RIPOR3: variants seen among roughly 807,000 people sequenced by gnomAD.
RIPOR3 encodes the protein family with sequence similarity 65 member C.
In RIPOR3, 95 loss-of-function variants were observed where a neutral mutation model predicts 114.3. The observed-to-expected ratio is 0.83, with a 90% CI of 0.70 to 0.99. The LOEUF is 0.99. RIPOR3 is among the 50% of genes least tolerant of loss of function. RIPOR3 has a pLI of 0.00. For missense variants in RIPOR3, 1,252 were observed against 1,266.9 expected (o/e 0.99, Z 0.18); for synonymous variants, 575 against 543.8 (o/e 1.06, Z -0.80).
intron 1 of RIPOR3, among the ~76,000 whole-genome samples, chr20:50,657,937 TA>T (rs1318873198): frequency 2.6e-5 from 4 of 151,850 alleles, no homozygotes; most frequent in Non-Finnish European, 5.9e-5. Context: ...TTTTTATTTT[TA>T]TTTTTTTGTA....
intron 1 of RIPOR3, among the ~76,000 whole-genome samples, chr20:50,666,904 C>T (rs1266713772): frequency 6.6e-6 from 1 of 152,144 alleles, no homozygotes; most frequent in African/African-American, 2.4e-5. Context: ...ATCTTATCTG[C>T]ATGATCCCTC....
chr20:50,599,062 TTGTA>T (rs1268328791), intron 13 of RIPOR3, among the ~76,000 whole-genome samples: 2 of 152,118 alleles, frequency 1.3e-5, no homozygotes, highest in South Asian at 2.1e-4. Context: ...ATGCAGAACT[TTGTA>T]TGTGTCTTTT....
rs149386699 is a variant in RIPOR3, at chr20:50,641,186, C to T, written c.4-10330G>A. Among the ~76,000 whole-genome samples, 1,236 of 152,102 alleles carry T rather than the reference C, an allele frequency of 8.1e-3. 21 individuals are homozygous for T. The highest frequency in any genetic ancestry group is 0.028 in the African/African-American group (1,164 of 41,504). On this transcript the variant is annotated intron_variant, in intron 1 of 21. Transcript: ENST00000327979. Reference sequence around the variant, plus strand: ...TCGGCCTCCCAAAGTGCTGGGATTACAGGCGTGAGCCACCACGTCCGGCTC... The same window carrying T: ...TCGGCCTCCCAAAGTGCTGGGATTATAGGCGTGAGCCACCACGTCCGGCTC...
chr20:50,620,728 C>T, intron 2 of RIPOR3: 3 of 428,634 alleles, frequency 7.0e-6, no homozygotes, highest in Non-Finnish European at 1.2e-5. Flanking sequence ...TAAAGCTTTT[C>T]CACCATGGCT....
At chr20:50,657,748 CTTTTTT>C (rs1272938455) in intron 1 of RIPOR3, among the ~76,000 whole-genome samples, 1 of 109,094 alleles carries the variant, frequency 9.2e-6, no homozygotes, top group Admixed American at 9.8e-5. Context: ...ATGTCTTTTA[CTTTTTT>C]TTTTTTTTTT....
chr20:50,655,819 G>C (rs938230377), intron 1 of RIPOR3, among the ~76,000 whole-genome samples: 1 of 151,880 alleles, frequency 6.6e-6, no homozygotes. Flanking sequence ...CATGAGGCAC[G>C]AGACCTTCAT....
chr20:50,610,820 A>C (rs1600561054), intron 6 of RIPOR3, 33 bp downstream of exon 6: 1 of 1,613,658 alleles, frequency 6.2e-7, no homozygotes. Context: ...GCACTGCCCC[A>C]CCCCACCCTG....
chr20:50,670,405 C>A (rs2086432168), intron 1 of RIPOR3, among the ~76,000 whole-genome samples: 1 of 116,780 alleles, frequency 8.6e-6, no homozygotes, highest in Admixed American at 1.4e-4. Context: ...TAGAGAAAAG[C>A]TGGGAGGAGC....
chr20:50,626,873 G>A (rs1783746468), intron 2 of RIPOR3, among the ~76,000 whole-genome samples: 1 of 151,578 alleles, frequency 6.6e-6, no homozygotes, highest in Non-Finnish European at 1.5e-5. Context: ...AATTAGCTGG[G>A]CATGGTGGCA....
chr20:50,609,035 C>G, intron 8 of RIPOR3, 80 bp from the exon 9 acceptor site: 2 of 1,534,798 alleles, frequency 1.3e-6, no homozygotes, highest in Non-Finnish European at 1.8e-6. Flanking sequence ...CTGGGGTTCC[C>G]CCGAGTATAG....
chr20:50,589,891 G>A (rs1010903147), intron 19 of RIPOR3, 122 bp from the exon 20 acceptor site: 17 of 782,248 alleles, frequency 2.2e-5, no homozygotes, highest in African/African-American at 6.9e-5. Flanking sequence ...TCTAAACAAC[G>A]TTCAGGACAC....
At position 50,623,876 on chromosome 20, in the gene RIPOR3, C is replaced by T. The variant is rs117374248; in HGVS notation, c.123-3744G>A. ...ATTTTGAGATGAAATTTCGCTCTGT[C>T]GACAGGCTGGAGTGCAGTGGCACGA... On this transcript the variant is annotated intron_variant, in intron 2 of 21. Coordinates refer to ENST00000327979, the MANE Select transcript of RIPOR3 (RefSeq NM_001290268.2). 5.8e-3 allele frequency among the ~76,000 whole-genome samples: 880 copies of T among 152,320 alleles called. 8 individuals carry two copies. The highest frequency in any genetic ancestry group is 5.9e-3 in the Non-Finnish European group (401 of 68,024).
At chr20:50,638,184 G>A (rs1312980171) in intron 1 of RIPOR3, among the ~76,000 whole-genome samples, 1 of 152,238 alleles carries the variant, frequency 6.6e-6, no homozygotes, top group African/African-American at 2.4e-5. Context: ...TCTCTGCAGA[G>A]GACAGCGGCC....
chr20:50,590,544 G>A (rs2083076274), intron 19 of RIPOR3, among the ~76,000 whole-genome samples: 1 of 152,214 alleles, frequency 6.6e-6, no homozygotes, highest in Admixed American at 6.5e-5. Context: ...ATCTGCAGGT[G>A]GCTCTCCAAA....
intron 1 of RIPOR3, among the ~76,000 whole-genome samples, chr20:50,652,767 C>T (rs562125372): frequency 5.3e-5 from 8 of 152,264 alleles, no homozygotes; most frequent in Admixed American, 1.3e-4. Flanking sequence ...CGAGGGCGGT[C>T]GTCATCCAAA....
At chr20:50,601,310 T>G (rs112208814) in intron 13 of RIPOR3, among the ~76,000 whole-genome samples, 2 of 152,176 alleles carry the variant, frequency 1.3e-5, no homozygotes, top group African/African-American at 4.8e-5. Context: ...GGTGTGCACC[T>G]GTAATCCCAG....
rs754355072 is a variant in RIPOR3 at position 50,595,527 on chromosome 20, C to T, written c.1915-23G>A. 1.9e-6 allele frequency: 3 copies of T among 1,612,592 alleles called. No homozygotes were observed. The East Asian group carries it at 6.7e-5, about 36-fold the overall frequency. ...TTTCTGGGAAGCAGCCCAGATGCTC[C>T]AGATTAGCATGGAACATGCCCACCG... On this transcript the variant is annotated intron_variant, in intron 15 of 21. Transcript: ENST00000327979.
At chr20:50,605,808 TAAAAC>T (rs2083690604) in intron 11 of RIPOR3, among the ~76,000 whole-genome samples, 1 of 143,936 alleles carries the variant, frequency 6.9e-6, no homozygotes. Flanking sequence ...AAAAGCAAAA[TAAAAC>T]AGGAAATGGA....
intron 1 of RIPOR3, among the ~76,000 whole-genome samples, chr20:50,655,460 T>C (rs1474408743): frequency 6.6e-6 from 1 of 152,216 alleles, no homozygotes; most frequent in Non-Finnish European, 1.5e-5. Context: ...TGTATCAAGA[T>C]GGGCGCGCTG....
Sources: allele counts gnomAD v4.1 joint callset (sites outside exome capture counted in the v4.1 genomes callset), GRCh38; gene constraint gnomAD v4.1.1; transcripts MANE v1.5; gene names NCBI Gene and HGNC (gene_info 2026-07-23, HGNC 2026-07-21).